Variants in PPARGC1B observed in about 807,000 individuals in gnomAD.
The protein encoded by PPARGC1B is PPARG coactivator 1 beta.
A neutral mutation model predicts 101.6 loss-of-function variants in PPARGC1B; 34 were observed. That is an observed-to-expected ratio of 0.33 (90% CI 0.25 to 0.45). The LOEUF (loss-of-function observed/expected upper bound fraction) is 0.45, where lower values mean the gene tolerates loss of function less well. PPARGC1B is among the 20% of genes least tolerant of loss of function. The pLI, the probability that PPARGC1B is intolerant of heterozygous loss-of-function variation, is 1.00. For synonymous variants in PPARGC1B, 548 were observed against 539.3 expected (o/e 1.02, Z -0.22); for missense variants, 1,234 against 1,317.6 (o/e 0.94, Z 0.98).
rs374316596 is a variant in PPARGC1B at position 149,826,781 on chromosome 5, G to A, written c.361G>A (p.Ala121Thr). The A allele has an allele frequency of 3.1e-5, 50 of 1,613,816 alleles. No individual in the cohort carries two copies. The African/African-American group carries it at 4.9e-4, about 16-fold the overall frequency. The stretch of plus-strand genomic sequence containing the variant: ...CTTCCCAGCCCTGGATGGTGGAGAC[G>A]CTCTATCATGCACCTCAGCTTCGCC... The part of the protein sequence containing the change: ...AAFPALDGGD[A>T]LSCTSASPAP... The change falls in exon 3 of 12, where the codon GCT becomes ACT. Residue 121 changes from alanine (A) to threonine (T), a missense_variant. Physicochemically the swap from Ala to Thr is moderately conservative, Grantham distance 58 (BLOSUM62 0). Around this residue, in one of 3 missense-constraint regions of PPARGC1B, gnomAD observed 734 missense variants for 768.4 expected, o/e 0.96. Coordinates refer to ENST00000309241, the MANE Select transcript of PPARGC1B (RefSeq NM_133263.4).
intron 1 of PPARGC1B, among the ~76,000 whole-genome samples, chr5:149,804,838 A>G (rs1757540388): frequency 6.6e-6 from 1 of 152,194 alleles, no homozygotes; most frequent in Non-Finnish European, 1.5e-5. Flanking sequence ...TTCCATGGGA[A>G]GGAAGAAGGC....
intron 1 of PPARGC1B, among the ~76,000 whole-genome samples, chr5:149,784,503 A>G (rs1756713601): frequency 6.7e-6 from 1 of 148,352 alleles, no homozygotes; most frequent in African/African-American, 2.5e-5. Context: ...CTGGCCCTGC[A>G]TACCTCACCC....
At chr5:149,762,134 C>T (rs1755738059) in intron 1 of PPARGC1B, among the ~76,000 whole-genome samples, 1 of 148,522 alleles carries the variant, frequency 6.7e-6, no homozygotes, top group Non-Finnish European at 1.5e-5. Flanking sequence ...AGGTGGGTGA[C>T]TTGGGTCAGG....
At chr5:149,788,229 T>TA (rs993191001) in intron 1 of PPARGC1B, among the ~76,000 whole-genome samples, 2 of 151,972 alleles carry the variant, frequency 1.3e-5, no homozygotes, top group African/African-American at 4.8e-5. Context: ...AAATTTACAA[T>TA]AAAAAATCAA....
Position 149,854,244 on chromosome 5 carries a change from C to T in PPARGC1B, c.*6686C>T, listed in dbSNP as rs1252705475. Reference sequence around the variant, plus strand: ...TGAGGTTTTGTCATCCCCGGGGGTACTACTGTAGGGGGCATTATTTATTAG... The same window carrying T: ...TGAGGTTTTGTCATCCCCGGGGGTATTACTGTAGGGGGCATTATTTATTAG... On this transcript the variant is annotated 3_prime_UTR_variant, in exon 12 of 12. Coordinates refer to ENST00000309241, the MANE Select transcript of PPARGC1B (RefSeq NM_133263.4). 1 of 152,068 alleles carries T rather than the reference C, an allele frequency of 6.6e-6. No homozygotes were observed. The highest frequency in any genetic ancestry group is 2.4e-5 in the African/African-American group (1 of 41,388). The allele number at this position is 152,068 out of a possible 1,614,324, so 9.4% of individuals were successfully genotyped here. A position where few individuals can be genotyped will look rare whatever the true frequency, so the allele number is the denominator to read the frequency against.
intron 1 of PPARGC1B, among the ~76,000 whole-genome samples, chr5:149,760,911 G>A (rs114338965): frequency 8.7e-4 from 133 of 152,290 alleles, no homozygotes; most frequent in Non-Finnish European, 1.7e-3. Context: ...GGGGGATGGG[G>A]ATTAATGGGG....
rs1470973961 is a variant in PPARGC1B, at chr5:149,801,829, C to T, written c.79-18604C>T. Among the ~76,000 whole-genome samples, 5 of 152,256 alleles carry T rather than the reference C, an allele frequency of 3.3e-5. No individual in the cohort carries two copies. In the South Asian group the frequency reaches 6.2e-4, roughly 19 times the overall value. Reference sequence around the variant, plus strand: ...TGGGTGTGAGGAAGCTACAGGAAGGCCCAGCAACCCAGAGAGGCTGCAGCT... The same window carrying T: ...TGGGTGTGAGGAAGCTACAGGAAGGTCCAGCAACCCAGAGAGGCTGCAGCT... On this transcript the variant is annotated intron_variant, in intron 1 of 11. Transcript: ENST00000309241.
intron 1 of PPARGC1B, among the ~76,000 whole-genome samples, chr5:149,757,155 G>A (rs1755560117): frequency 6.6e-6 from 1 of 152,184 alleles, no homozygotes; most frequent in African/African-American, 2.4e-5. Flanking sequence ...ACGCCTCTCT[G>A]CAATGGTATT....
At chr5:149,751,350 A>G (rs1455420864) in intron 1 of PPARGC1B, among the ~76,000 whole-genome samples, 1 of 152,154 alleles carries the variant, frequency 6.6e-6, no homozygotes, top group African/African-American at 2.4e-5. Context: ...TCTTGTTGCA[A>G]AAATGATATG....
intron 1 of PPARGC1B, among the ~76,000 whole-genome samples, chr5:149,737,096 CT>C (rs1234276012): frequency 2.0e-5 from 3 of 152,194 alleles, no homozygotes; most frequent in African/African-American, 7.2e-5. Context: ...CTGACAACCA[CT>C]GATCTTTTTA....
chr5:149,779,559 G>A (rs1237368629), intron 1 of PPARGC1B, among the ~76,000 whole-genome samples: 1 of 152,224 alleles, frequency 6.6e-6, no homozygotes, highest in Non-Finnish European at 1.5e-5. Context: ...TCTAGAGAGA[G>A]AGAAACAAGG....
chr5:149,758,674 A>C (rs554984500), intron 1 of PPARGC1B, among the ~76,000 whole-genome samples: 1 of 152,326 alleles, frequency 6.6e-6, no homozygotes, highest in Admixed American at 6.5e-5. Flanking sequence ...CGGGGATTCC[A>C]AGAGGGCTGA....
At chr5:149,828,157 C>A (rs1302300157) in intron 3 of PPARGC1B, among the ~76,000 whole-genome samples, 2 of 152,210 alleles carry the variant, frequency 1.3e-5, no homozygotes. Flanking sequence ...GGACCCTTTC[C>A]CTTCCTTCCC....
chr5:149,773,330 G>A (rs1756218034), intron 1 of PPARGC1B, among the ~76,000 whole-genome samples: 1 of 152,246 alleles, frequency 6.6e-6, no homozygotes, highest in Non-Finnish European at 1.5e-5. Context: ...CATGACCCCG[G>A]CCTCCTGCCG....
At position 149,832,895 on chromosome 5, in the gene PPARGC1B, C is replaced by T; in HGVS notation, c.822C>T (p.Asp274=). The T allele has an allele frequency of 6.2e-7, 1 of 1,612,928 alleles. No homozygotes were observed. Among genetic ancestry groups the T allele is most frequent in the Non-Finnish European group, 8.5e-7 (1 of 1,179,856 alleles). The change falls in exon 5 of 12, where the codon GAC becomes GAT. Residue 274 remains aspartate (D), a synonymous_variant. Transcript: ENST00000309241. The surrounding 1 kb of genome is among the most constrained non-coding windows in gnomAD (Gnocchi z 4.9). ...PRDSLALGRA[D]PGAPVSQEDM... is the part of the protein sequence containing the mutation. ...ACTCCCTAGCTCTGGGCAGGGCAGACCCCGGTGCCCCGGTTTCCCAGGAAG... is the reference window on the plus strand; with the variant it reads ...ACTCCCTAGCTCTGGGCAGGGCAGATCCCGGTGCCCCGGTTTCCCAGGAAG...
intron 10 of PPARGC1B, among the ~76,000 whole-genome samples, chr5:149,843,265 G>A (rs1433716292): frequency 6.6e-6 from 1 of 152,160 alleles, no homozygotes; most frequent in Non-Finnish European, 1.5e-5. Context: ...AAAAAGAACA[G>A]GTTTCATATG....
intron 1 of PPARGC1B, among the ~76,000 whole-genome samples, chr5:149,784,560 CTTTTT>C (rs72364863): frequency 2.8e-4 from 21 of 75,704 alleles, no homozygotes; most frequent in East Asian, 4.3e-4. Flanking sequence ...AACTGAGTTT[CTTTTT>C]TTTTTTTTTT....
At chr5:149,830,577 G>A (rs925316854) in intron 3 of PPARGC1B, among the ~76,000 whole-genome samples, 190 bp from the exon 4 acceptor site, 1 of 152,090 alleles carries the variant, frequency 6.6e-6, no homozygotes, top group Non-Finnish European at 1.5e-5. Flanking sequence ...ACGTGTGTTC[G>A]GGATTGTTAG....
Position 149,847,634 on chromosome 5 carries a change from A to G in PPARGC1B, c.*76A>G, listed in dbSNP as rs1759619870. ...CCAATATGTTTACGTTTTCAAAGAA[A>G]TCAAGTATATGAGGAGAGCGAGCGA... On this transcript the variant is annotated 3_prime_UTR_variant, in exon 12 of 12. Coordinates refer to ENST00000309241, the MANE Select transcript of PPARGC1B (RefSeq NM_133263.4). 6.9e-6 allele frequency: 8 copies of G among 1,161,224 alleles called. No individual in the cohort carries two copies. Among genetic ancestry groups the G allele is most frequent in the Admixed American group, 3.7e-5 (2 of 54,730 alleles). 71.9% of individuals were successfully genotyped at this position (1,161,224 alleles called of 1,614,324 possible).
Sources: gnomAD v4.1 joint callset for allele counts (sites outside exome capture counted in the v4.1 genomes callset) on GRCh38, gnomAD v4.1.1 for gene constraint, gnomAD v4.1.1 regional missense constraint, Gnocchi (gnomAD v3.1) non-coding constraint, MANE v1.5 for transcripts, NCBI Gene and HGNC (gene_info 2026-07-23, HGNC 2026-07-21) for gene names.